Variants in ZNF248 observed in about 807,000 individuals in gnomAD.
The protein encoded by ZNF248 is KRAB protein domain.
Under a neutral mutation model 44.3 loss-of-function variants are expected in ZNF248, and 20 were observed. The ratio of observed to expected loss-of-function variants is 0.45; its 90% CI spans 0.32 to 0.66. The LOEUF (loss-of-function observed/expected upper bound fraction) is 0.66. ZNF248 is among the 30% of genes least tolerant of loss of function. The probability of loss-of-function intolerance (pLI) is 0.04; values close to 1 mark genes in which losing one functional copy is unlikely to be tolerated. For missense variants in ZNF248, 654 were observed against 677.0 expected, an observed-to-expected ratio of 0.97 and a Z score of 0.38; for synonymous variants, 224 against 229.0, an observed-to-expected ratio of 0.98 and a Z score of 0.20.
chr10:37,793,567 G>A (rs1417977201), intron 6 of ZNF248, among the ~76,000 whole-genome samples: 1 of 152,100 alleles, frequency 6.6e-6, no homozygotes, highest in Non-Finnish European at 1.5e-5. Context: ...AAAGTGGTGT[G>A]GAGAATTCAG....
At chr10:37,785,961 C>T (rs572025838) in intron 6 of ZNF248, among the ~76,000 whole-genome samples, 2 of 152,144 alleles carry the variant, frequency 1.3e-5, no homozygotes, top group Non-Finnish European at 2.9e-5. Flanking sequence ...TAATGTCCAT[C>T]AAAGAGCAGC....
chr10:37,822,663 A>T (rs890222635), intron 6 of ZNF248, among the ~76,000 whole-genome samples: 2 of 151,716 alleles, frequency 1.3e-5, no homozygotes, highest in Non-Finnish European at 2.9e-5. Flanking sequence ...GGGGTGTCCA[A>T]TCTTTTGTCT....
chr10:37,840,987 C>T (rs1168691670), intron 3 of ZNF248, among the ~76,000 whole-genome samples: 1 of 152,072 alleles, frequency 6.6e-6, no homozygotes, highest in African/African-American at 2.4e-5. Flanking sequence ...GCAGTTGGAA[C>T]AACAAAATAA....
intron 3 of ZNF248, among the ~76,000 whole-genome samples, chr10:37,855,195 GT>G (rs1229811786): frequency 6.6e-6 from 1 of 152,134 alleles, no homozygotes; most frequent in African/African-American, 2.4e-5. Flanking sequence ...ATACATTCCA[GT>G]AAGTCTGGGA....
chr10:37,797,290 T>C (rs1440092977), intron 6 of ZNF248, among the ~76,000 whole-genome samples: 2 of 149,050 alleles, frequency 1.3e-5, no homozygotes, highest in Non-Finnish European at 2.9e-5. Context: ...GATATACATA[T>C]ATAAATCAAC....
chr10:37,761,458 T>C, the ZNF248 span, among the ~76,000 whole-genome samples: 1 of 152,330 alleles, frequency 6.6e-6, no homozygotes, highest in Admixed American at 6.5e-5. Context: ...AATCCTTACC[T>C]CATAGCAACA....
chr10:37,778,460 C>T (rs1439912062), intron 6 of ZNF248, among the ~76,000 whole-genome samples: 47 of 151,504 alleles, frequency 3.1e-4, no homozygotes, highest in African/African-American at 7.7e-4. Flanking sequence ...GAGTAGGTTG[C>T]GAAAATTTTC....
At chr10:37,852,755 A>C (rs1378337438) in intron 3 of ZNF248, among the ~76,000 whole-genome samples, 1 of 150,650 alleles carries the variant, frequency 6.6e-6, no homozygotes, top group Non-Finnish European at 1.5e-5. Flanking sequence ...TTCATATAGA[A>C]ACAGTACACA....
intron 6 of ZNF248, among the ~76,000 whole-genome samples, chr10:37,790,806 G>GCTA (rs1316481681): frequency 6.6e-6 from 1 of 150,750 alleles, no homozygotes; most frequent in Non-Finnish European, 1.5e-5. Flanking sequence ...TGTAGCTCCA[G>GCTA]CTACATGGGA....
chr10:37,843,472 C>A (rs1027225826), intron 3 of ZNF248, among the ~76,000 whole-genome samples: 1 of 150,822 alleles, frequency 6.6e-6, no homozygotes. Flanking sequence ...CTTGGGGAAG[C>A]GTAAAAATCT....
At chr10:37,837,112 T>G (rs944371255) in intron 5 of ZNF248, among the ~76,000 whole-genome samples, 4 of 152,004 alleles carry the variant, frequency 2.6e-5, no homozygotes, top group Non-Finnish European at 4.4e-5. Context: ...GTTTGTTTTT[T>G]TTTGTTTGTT....
At chr10:37,824,707 A>G (rs1464889691), downstream of ZNF248, among the ~76,000 whole-genome samples, 4 of 6,140 alleles carry the variant, frequency 6.5e-4, no homozygotes, top group East Asian at 0.036. Flanking sequence ...TTTGAGACGG[A>G]GTCTCCCTCT....
chr10:37,761,675 C>T, the ZNF248 span, among the ~76,000 whole-genome samples: 1 of 152,152 alleles, frequency 6.6e-6, no homozygotes, highest in Non-Finnish European at 1.5e-5. Flanking sequence ...ATTTCTAGGG[C>T]TGAAACACAG....
downstream of ZNF248, among the ~76,000 whole-genome samples, chr10:37,828,521 G>C (rs373827959): frequency 3.8e-4 from 58 of 152,236 alleles, 1 homozygote; most frequent in East Asian, 8.1e-3. Context: ...CTTGTCACTG[G>C]CCTATTTTAC....
intron 6 of ZNF248, among the ~76,000 whole-genome samples, chr10:37,796,335 C>T (rs893809183): frequency 1.3e-5 from 2 of 151,542 alleles, no homozygotes; most frequent in Non-Finnish European, 2.9e-5. Flanking sequence ...TGTGCCTCAG[C>T]CTCCCGGGTA....
At chr10:37,834,823 C>T (rs553056265) in intron 5 of ZNF248, among the ~76,000 whole-genome samples, 72 of 152,170 alleles carry the variant, frequency 4.7e-4, no homozygotes, top group African/African-American at 1.7e-3. Flanking sequence ...CGGAAGTTTT[C>T]CAGTAAATGA....
rs1460451240 is a variant in ZNF248, at chr10:37,778,374, G to C, written c.331-1799C>G. Among the ~76,000 whole-genome samples, 12 of 152,218 alleles carry C rather than the reference G, an allele frequency of 7.9e-5. No homozygotes were observed. In the South Asian group the frequency reaches 1.7e-3, roughly 21 times the overall value. ...TGTTCATGTCCTTTGCCCACTTTTT[G>C]ATAGGGTTGTTTGTTTTTTTCTTGT... On this transcript the variant is annotated intron_variant, in intron 6 of 6. Coordinates refer to the ZNF248 transcript ENST00000615949.
chr10:37,829,110 CCAG>C lies in ZNF248; in HGVS notation c.*2502_*2504del, dbSNP rs780673322. The C allele has an allele frequency of 5.1e-6, 5 of 985,474 alleles. No individual in the cohort carries two copies. Among genetic ancestry groups the C allele is most frequent in the Non-Finnish European group, 6.0e-6 (5 of 829,960 alleles). 61.0% of individuals were successfully genotyped at this position (985,474 alleles called of 1,614,324 possible). A position where few individuals can be genotyped will look rare whatever the true frequency, so the allele number is the denominator to read the frequency against. ...CCTTCTCTGTGCCCACCTGGGCTCT[CCAG>C]CAGATGTATCTGGTTGGTTTCTCCA... On this transcript the variant is annotated 3_prime_UTR_variant, in exon 6 of 6. Transcript: ENST00000395867.
Position 37,838,044 on chromosome 10 carries a change from G to A in ZNF248, c.83C>T (p.Ala28Val). Residue 28 changes from alanine (A) to valine (V), a missense_variant, in exon 4 of 6, where the codon GCT becomes GTT. Transcript: ENST00000395867. ...TQEEWYLLDPAQKILYRDVIL... is the reference protein window; with the variant it reads ...TQEEWYLLDPVQKILYRDVIL... ...CACATCTCTGTATAGAATCTTCTGA[G>A]CAGGGTCCAGCAGATACCACTCTTC... 2 of 1,613,630 alleles carry A rather than the reference G, an allele frequency of 1.2e-6. No individual in the cohort carries two copies. Among genetic ancestry groups the A allele is most frequent in the Non-Finnish European group, 1.7e-6 (2 of 1,179,674 alleles).
Sources: gnomAD v4.1 joint callset for allele counts (sites outside exome capture counted in the v4.1 genomes callset) on GRCh38, gnomAD v4.1.1 for gene constraint, MANE v1.5 for transcripts, NCBI Gene and HGNC (gene_info 2026-07-23, HGNC 2026-07-21) for gene names.